Variants in ABCG1 observed in about 807,000 individuals in gnomAD.
ABCG1 encodes ATP-binding cassette sub-family G member 1.
A neutral mutation model predicts 69.2 loss-of-function variants in ABCG1; 29 were observed. That is an observed-to-expected ratio of 0.42 (90% confidence interval 0.31 to 0.57). The LOEUF (loss-of-function observed/expected upper bound fraction) is 0.57, where lower values mean the gene tolerates loss of function less well. ABCG1 is among the 20% of genes least tolerant of loss of function. The pLI is 0.15. For missense variants in ABCG1, 718 were observed against 898.1 expected, an observed-to-expected ratio of 0.80 and a Z score of 2.56; for synonymous variants, 370 against 374.8, an observed-to-expected ratio of 0.99 and a Z score of 0.15.
At chr21:42,243,451 T>TGC (rs1402157121) in intron 2 of ABCG1, among the ~76,000 whole-genome samples, 1,153 of 102,824 alleles carry the variant, frequency 0.011, 17 homozygotes, top group African/African-American at 0.041. Context: ...TGTGCGCGTG[T>TGC]GTGTGTGTGT....
intron 2 of ABCG1, among the ~76,000 whole-genome samples, chr21:42,261,436 C>G (rs1182363639): frequency 6.6e-6 from 1 of 152,134 alleles, no homozygotes; most frequent in Admixed American, 6.5e-5. Flanking sequence ...AAGGATGACT[C>G]CTGAGAAAAC....
chr21:42,220,524 A>C (rs777756803), intron 1 of ABCG1, among the ~76,000 whole-genome samples: 4 of 152,218 alleles, frequency 2.6e-5, no homozygotes, highest in Non-Finnish European at 2.9e-5. Context: ...TCGCCAGCTC[A>C]TTATATAATG....
intron 10 of ABCG1, among the ~76,000 whole-genome samples, chr21:42,289,097 T>A (rs2069005228): frequency 6.6e-6 from 1 of 152,188 alleles, no homozygotes; most frequent in Non-Finnish European, 1.5e-5. Flanking sequence ...CCAAACCATA[T>A]CACTAAACTT....
intron 4 of ABCG1, among the ~76,000 whole-genome samples, chr21:42,275,987 C>T (rs1477612561): frequency 6.6e-6 from 1 of 151,788 alleles, no homozygotes; most frequent in Non-Finnish European, 1.5e-5. Context: ...ACCTCTTTGC[C>T]CCACACCCCG....
At chr21:42,259,600 T>G (rs775078819) in intron 2 of ABCG1, 9 of 1,448,746 alleles carry the variant, frequency 6.2e-6, no homozygotes, top group Non-Finnish European at 8.2e-6. Context: ...AGCTGGCCAT[T>G]ACCTTGTTTC....
At position 42,273,238 on chromosome 21, in the gene ABCG1, T is replaced by A; in HGVS notation, c.405-65T>A. ...GCCCCCGTCTCTGGCTCCCCTCTCC[T>A]GCCCCGGGAGGTGGAGGAGGAGCAG... On this transcript the variant is annotated intron_variant, in intron 3 of 14. Transcript: ENST00000398449. The surrounding 1 kb of genome is among the most constrained non-coding windows in gnomAD (Gnocchi z 5.3). 1.3e-6 allele frequency: 2 copies of A among 1,559,382 alleles called. No individual in the cohort carries two copies. The highest frequency in any genetic ancestry group is 1.8e-4 in the Middle Eastern group (1 of 5,492).
At chr21:42,270,032 G>A (rs149432458) in intron 2 of ABCG1, among the ~76,000 whole-genome samples, 2,626 of 151,986 alleles carry the variant, frequency 0.017, 72 homozygotes, top group African/African-American at 0.059. Context: ...TTGGGAGGCC[G>A]AGGCGGGCGG....
At chr21:42,206,069 C>T (rs970284095) in intron 2 of ABCG1, among the ~76,000 whole-genome samples, 4 of 152,120 alleles carry the variant, frequency 2.6e-5, no homozygotes, top group Non-Finnish European at 4.4e-5. Flanking sequence ...CCAGAAAACA[C>T]AGTCTGGTGC....
intron 7 of ABCG1, 30 bp from the exon 8 acceptor site, chr21:42,285,850 T>G: frequency 6.6e-7 from 1 of 1,512,920 alleles, no homozygotes; most frequent in Non-Finnish European, 9.2e-7. Flanking sequence ...AGGCAGGGCT[T>G]GATCCCTTTT....
chr21:42,262,981 G>A lies in ABCG1; in HGVS notation c.287-8089G>A, dbSNP rs186177484. ...GGCCCTGCCTGTGCCTCCTTCAAGG[G>A]CACATTTCTACAGAGTGAGGAAAAC... On this transcript the variant is annotated intron_variant, in intron 2 of 14. Transcript: ENST00000398449. Among the ~76,000 whole-genome samples the A allele has an allele frequency of 7.0e-4, 107 of 152,314 alleles. 1 individual carries two copies. Among genetic ancestry groups the A allele is most frequent in the Non-Finnish European group, 8.2e-4 (56 of 68,028 alleles).
In ABCG1 at chr21:42,296,221, C is replaced by T; in HGVS notation, c.1830C>T (p.His610=). 6.2e-7 allele frequency: 1 copy of T among 1,614,198 alleles called. No individual in the cohort carries two copies. The part of the protein sequence containing the change: ...SIYGLDREDL[H]CDIDETCHFQ... ...ATGGCTTAGACCGGGAAGATCTGCA[C>T]TGTGACATCGACGAGACGTGCCACT... Residue 610 remains histidine (H), a synonymous_variant, in exon 15 of 15, where the codon CAC becomes CAT. Coordinates refer to ENST00000398449, the MANE Select transcript of ABCG1 (RefSeq NM_016818.3). The surrounding 1 kb of genome is among the most constrained non-coding windows in gnomAD (Gnocchi z 5.4).
chr21:42,263,814 G>A (rs151270569), intron 2 of ABCG1, among the ~76,000 whole-genome samples: 232 of 152,356 alleles, frequency 1.5e-3, no homozygotes, highest in African/African-American at 5.4e-3. Context: ...GATGGCTCTG[G>A]TCCCAAAGGG....
At chr21:42,290,503 C>T (rs2069036499) in intron 11 of ABCG1, among the ~76,000 whole-genome samples, 1 of 152,134 alleles carries the variant, frequency 6.6e-6, no homozygotes, top group Non-Finnish European at 1.5e-5. Flanking sequence ...ATTAGGAGCC[C>T]CCCAACTCTA....
intron 2 of ABCG1, among the ~76,000 whole-genome samples, chr21:42,226,394 G>C (rs1390539868): frequency 2.0e-5 from 3 of 152,178 alleles, no homozygotes; most frequent in Admixed American, 6.5e-5. Flanking sequence ...TTTGTGGGTG[G>C]TTGTGGTAGG....
In ABCG1 at chr21:42,236,621, T is replaced by C. The variant is rs75594367; in HGVS notation, c.286+10707T>C. On this transcript the variant is annotated intron_variant, in intron 2 of 14. Coordinates refer to ENST00000398449, the MANE Select transcript of ABCG1 (RefSeq NM_016818.3). ...TGCTTTTCCTTGCACTCTTGGGTTTTCATTGCCTGCTTGCTTATTTGATTT... is the reference window on the plus strand; with the variant it reads ...TGCTTTTCCTTGCACTCTTGGGTTTCCATTGCCTGCTTGCTTATTTGATTT... Among the ~76,000 whole-genome samples, 739 of 152,346 alleles carry C rather than the reference T, an allele frequency of 4.9e-3. 3 individuals are homozygous for C. Among genetic ancestry groups the C allele is most frequent in the African/African-American group, 0.017 (702 of 41,572 alleles).
intron 1 of ABCG1, 54 bp from the exon 2 acceptor site, chr21:42,225,617 C>A: frequency 6.3e-7 from 1 of 1,591,386 alleles, no homozygotes; most frequent in Non-Finnish European, 8.5e-7. Flanking sequence ...TCTTCATGTT[C>A]TTTTTCTTGA....
intron 6 of ABCG1, among the ~76,000 whole-genome samples, chr21:42,284,294 C>CCTCTGTCCCGCCTGGATAGTTGTGA (rs2068894132): frequency 1.3e-5 from 2 of 150,400 alleles, no homozygotes; most frequent in African/African-American, 5.0e-5. Context: ...GACCCCCCCC[C>CCTCTGTCCCGCCTGGATAGTTGTGA]AGTCCTGGAC....
chr21:42,219,939 C>G lies in ABCG1; in HGVS notation c.42+635C>G. 1.3e-6 allele frequency: 2 copies of G among 1,551,158 alleles called. No individual in the cohort carries two copies. The highest frequency in any genetic ancestry group is 2.4e-5 in the South Asian group (2 of 84,056). Reference sequence around the variant, plus strand: ...GATTCCTGCCGGCCGCCTTTCTGCGCGCGCCGGAGAGAGAGACGCGGTGGG... The same window carrying G: ...GATTCCTGCCGGCCGCCTTTCTGCGGGCGCCGGAGAGAGAGACGCGGTGGG... On this transcript the variant is annotated intron_variant, in intron 1 of 14. Coordinates refer to ENST00000398449, the MANE Select transcript of ABCG1 (RefSeq NM_016818.3). The surrounding 1 kb of genome is among the most constrained non-coding windows in gnomAD (Gnocchi z 5.3).
chr21:42,232,108 T>G (rs183684154), intron 2 of ABCG1, among the ~76,000 whole-genome samples: 27 of 152,344 alleles, frequency 1.8e-4, no homozygotes, highest in African/African-American at 5.8e-4. Context: ...GATGAGGTCT[T>G]CTGGAACAGT....
Sources: allele counts gnomAD v4.1 joint callset (sites outside exome capture counted in the v4.1 genomes callset), GRCh38; gene constraint gnomAD v4.1.1; non-coding constraint Gnocchi (gnomAD v3.1); transcripts MANE v1.5; gene names NCBI Gene and HGNC (gene_info 2026-07-23, HGNC 2026-07-21).